PCDH9: variants seen among roughly 807,000 people sequenced by gnomAD.
PCDH9 encodes the protein protocadherin 9.
Under a neutral mutation model 70.6 loss-of-function variants are expected in PCDH9, and 24 were observed. The observed-to-expected ratio is 0.34, with a 90% CI of 0.25 to 0.48. The LOEUF is 0.48. PCDH9 is among the 20% of genes least tolerant of loss of function. The probability of loss-of-function intolerance (pLI) is 0.99; values close to 1 mark genes in which losing one functional copy is unlikely to be tolerated. For missense variants in PCDH9, 1,281 were observed against 1,503.6 expected (o/e 0.85, Z 2.45); for synonymous variants, 562 against 558.5 (o/e 1.01, Z -0.09).
intron 3 of PCDH9, among the ~76,000 whole-genome samples, chr13:66,832,825 G>T (rs1403836106): frequency 6.6e-6 from 1 of 152,048 alleles, no homozygotes; most frequent in Non-Finnish European, 1.5e-5. Flanking sequence ...GCACTACCAA[G>T]ATCTTGAGTC....
At chr13:66,609,008 G>T (rs764410712) in intron 4 of PCDH9, among the ~76,000 whole-genome samples, 1 of 152,144 alleles carries the variant, frequency 6.6e-6, no homozygotes, top group African/African-American at 2.4e-5. Flanking sequence ...AACTTGGCAT[G>T]TATTAAGTGA....
chr13:66,920,173 T>C (rs2082617028), intron 2 of PCDH9, among the ~76,000 whole-genome samples: 1 of 151,222 alleles, frequency 6.6e-6, no homozygotes. Flanking sequence ...CCACACATTT[T>C]AAGACATGTA....
At chr13:66,679,840 A>T (rs2139056765) in intron 3 of PCDH9, among the ~76,000 whole-genome samples, 1 of 152,090 alleles carries the variant, frequency 6.6e-6, no homozygotes, top group Middle Eastern at 3.4e-3. Context: ...CTCACCTGAT[A>T]TATGGCAATG....
intron 2 of PCDH9, among the ~76,000 whole-genome samples, chr13:67,020,892 T>C (rs1330957899): frequency 6.6e-6 from 1 of 152,206 alleles, no homozygotes; most frequent in African/African-American, 2.4e-5. Flanking sequence ...TCTGAATATA[T>C]GAGATTTCTG....
At chr13:66,737,226 A>G (rs2079164447) in intron 3 of PCDH9, among the ~76,000 whole-genome samples, 1 of 152,168 alleles carries the variant, frequency 6.6e-6, no homozygotes, top group Admixed American at 6.5e-5. Context: ...ATATAAAAAC[A>G]CGTGATTGCT....
chr13:66,339,226 G>GAAC (rs201140504), intron 4 of PCDH9, among the ~76,000 whole-genome samples: 5 of 133,610 alleles, frequency 3.7e-5, no homozygotes, highest in African/African-American at 1.0e-4. Context: ...GTAGTAATGA[G>GAAC]AACAACAACA....
intron 2 of PCDH9, among the ~76,000 whole-genome samples, chr13:67,090,280 T>C (rs935640680): frequency 9.9e-5 from 15 of 152,094 alleles, no homozygotes; most frequent in African/African-American, 3.6e-4. Flanking sequence ...ATATCCAGGG[T>C]AGGACTTCAT....
chr13:67,218,007 C>A (rs1420716194), intron 2 of PCDH9: 1 of 152,040 alleles, frequency 6.6e-6, no homozygotes, highest in Non-Finnish European at 1.5e-5. Flanking sequence ...AAGACTAATT[C>A]CCTAGGCTAT....
At chr13:66,828,107 G>A (rs1171969189) in intron 3 of PCDH9, among the ~76,000 whole-genome samples, 3 of 151,788 alleles carry the variant, frequency 2.0e-5, no homozygotes, top group African/African-American at 7.3e-5. Context: ...AAAAGTACTG[G>A]CAAACAAAAT....
chr13:67,044,021 A>G (rs1469500562), intron 2 of PCDH9, among the ~76,000 whole-genome samples: 1 of 152,106 alleles, frequency 6.6e-6, no homozygotes, highest in Non-Finnish European at 1.5e-5. Flanking sequence ...TAATTCAAGG[A>G]AAGAGGAATA....
At chr13:66,662,948 G>A (rs1163512594) in intron 3 of PCDH9, among the ~76,000 whole-genome samples, 1 of 152,136 alleles carries the variant, frequency 6.6e-6, no homozygotes, top group East Asian at 1.9e-4. Flanking sequence ...AATATCAAGA[G>A]TTCCCTTATA....
At chr13:66,503,321 A>G (rs958369369) in intron 4 of PCDH9, among the ~76,000 whole-genome samples, 2 of 152,152 alleles carry the variant, frequency 1.3e-5, no homozygotes, top group Admixed American at 6.5e-5. Context: ...GGGGGATGAG[A>G]GGGCCTGTTT....
chr13:67,107,565 A>G (rs1185172100), intron 2 of PCDH9, among the ~76,000 whole-genome samples: 3 of 152,154 alleles, frequency 2.0e-5, no homozygotes, highest in Non-Finnish European at 4.4e-5. Context: ...CCAACTGGAC[A>G]TTGTTGGGAG....
chr13:66,366,054 T>C (rs1308755016), intron 4 of PCDH9, among the ~76,000 whole-genome samples: 1 of 152,068 alleles, frequency 6.6e-6, no homozygotes, highest in African/African-American at 2.4e-5. Flanking sequence ...AAAGTATACA[T>C]AGTAAAACTT....
intron 3 of PCDH9, among the ~76,000 whole-genome samples, chr13:66,713,625 GTATA>G (rs67681559): frequency 0.33 from 36,596 of 110,480 alleles, 6,789 homozygotes; most frequent in East Asian, 0.56. Flanking sequence ...GTGTGTGTGT[GTATA>G]TATATATATA....
chr13:66,367,556 G>T (rs1223913868), intron 4 of PCDH9, among the ~76,000 whole-genome samples: 1 of 152,012 alleles, frequency 6.6e-6, no homozygotes, highest in Non-Finnish European at 1.5e-5. Flanking sequence ...ATCACATCAA[G>T]ACTGAAAAAT....
intron 4 of PCDH9, among the ~76,000 whole-genome samples, chr13:66,436,962 G>A (rs920848965): frequency 1.3e-5 from 2 of 151,494 alleles, no homozygotes; most frequent in African/African-American, 2.4e-5. Flanking sequence ...AAGGTCAGCC[G>A]AGCAGACATA....
chr13:66,486,621 G>A (rs951108943), intron 4 of PCDH9, among the ~76,000 whole-genome samples: 73 of 142,148 alleles, frequency 5.1e-4, no homozygotes, highest in Middle Eastern at 3.7e-3. Flanking sequence ...GGAGGACAGA[G>A]TGAGATGCTA....
At chr13:66,342,907 A>C (rs1029663602) in intron 4 of PCDH9, among the ~76,000 whole-genome samples, 1 of 151,688 alleles carries the variant, frequency 6.6e-6, no homozygotes, top group African/African-American at 2.4e-5. Context: ...CATCCTCCCA[A>C]AGTTCTAGGA....
Sources: allele counts gnomAD v4.1 joint callset (sites outside exome capture counted in the v4.1 genomes callset), GRCh38; gene constraint gnomAD v4.1.1; transcripts MANE v1.5; gene names NCBI Gene and HGNC (gene_info 2026-07-23, HGNC 2026-07-21).